The following GON4L variants were observed in gnomAD, a reference collection of about 807,000 sequenced individuals.
GON4L encodes GON-4-like protein.
GON4L carries 87 observed loss-of-function variants against 211.8 expected under a neutral mutation model. The observed-to-expected ratio is 0.41, with a 90% CI of 0.35 to 0.49. The LOEUF (loss-of-function observed/expected upper bound fraction) is 0.49, where lower values mean the gene tolerates loss of function less well. Among genes scored for constraint, GON4L ranks in the 20% least tolerant of loss-of-function variants. The probability of loss-of-function intolerance (pLI) is 0.15; values close to 1 mark genes in which losing one functional copy is unlikely to be tolerated. For missense variants in GON4L, 2,155 were observed against 2,659.5 expected (o/e 0.81, Z 4.17); for synonymous variants, 875 against 962.6 (o/e 0.91, Z 1.68).
chr1:155,753,162 C>T (rs780167027), intron 29 of GON4L, 42 bp downstream of exon 29: 6 of 1,452,906 alleles, frequency 4.1e-6, no homozygotes, highest in Admixed American at 3.4e-5. Flanking sequence ...TACAGGATAA[C>T]GAGACTGAGG....
intron 10 of GON4L, among the ~76,000 whole-genome samples, chr1:155,812,858 G>A (rs534565251): frequency 6.6e-6 from 1 of 152,186 alleles, no homozygotes; most frequent in East Asian, 1.9e-4. Context: ...CGCACAGCCT[G>A]TATCCTGATT....
At chr1:155,816,339 T>C (rs1352216993) in intron 6 of GON4L, 77 bp from the exon 7 acceptor site, 1 of 739,214 alleles carries the variant, frequency 1.4e-6, no homozygotes, top group African/African-American at 1.7e-5. Flanking sequence ...CTCTGTACCA[T>C]CACTAACAGC....
chr1:155,833,891 G>A (rs1051061060), intron 2 of GON4L, among the ~76,000 whole-genome samples: 5 of 151,796 alleles, frequency 3.3e-5, no homozygotes, highest in African/African-American at 7.3e-5. Context: ...GCAGTGGTGC[G>A]ATCAGAGCTC....
At chr1:155,829,311 T>C (rs1669524691) in intron 2 of GON4L, among the ~76,000 whole-genome samples, 1 of 152,114 alleles carries the variant, frequency 6.6e-6, no homozygotes, top group African/African-American at 2.4e-5. Flanking sequence ...CAGCTAATTT[T>C]GATGTTATGA....
downstream of GON4L, chr1:155,749,379 G>T (rs1246788791): frequency 6.1e-5 from 98 of 1,609,266 alleles, no homozygotes; most frequent in Non-Finnish European, 8.3e-5. Context: ...ATGTACCACT[G>T]GGGAAGAAAT....
At chr1:155,748,260 C>A, downstream of GON4L, 3 of 1,215,746 alleles carry the variant, frequency 2.5e-6, no homozygotes, top group Non-Finnish European at 3.4e-6. Flanking sequence ...CCTCTCAGAT[C>A]ACACTGTCCT....
chr1:155,778,235 C>T (rs1664031052), intron 14 of GON4L, among the ~76,000 whole-genome samples: 1 of 152,014 alleles, frequency 6.6e-6, no homozygotes, highest in African/African-American at 2.4e-5. Context: ...GGCTGCACTG[C>T]CTTGCATTTT....
At chr1:155,753,122 A>G in intron 29 of GON4L, 82 bp downstream of exon 29, 1 of 1,058,704 alleles carries the variant, frequency 9.4e-7, no homozygotes, top group Non-Finnish European at 1.4e-6. Context: ...AAGGCTATTT[A>G]TCCAGGCTCA....
chr1:155,756,802 G>T, intron 27 of GON4L, 156 bp downstream of exon 27: 1 of 611,012 alleles, frequency 1.6e-6, no homozygotes, highest in Non-Finnish European at 2.9e-6. Flanking sequence ...GCTGGCGCCT[G>T]TCTGTAATTC....
chr1:155,749,061 C>G (rs1660362889), downstream of GON4L, among the ~76,000 whole-genome samples: 1 of 152,062 alleles, frequency 6.6e-6, no homozygotes, highest in Non-Finnish European at 1.5e-5. Context: ...CGAGACCAGC[C>G]TGACCAACAT....
At chr1:155,754,736 G>A (rs1660994929) in intron 27 of GON4L, among the ~76,000 whole-genome samples, 1 of 151,358 alleles carries the variant, frequency 6.6e-6, no homozygotes, top group Admixed American at 6.6e-5. Context: ...CACCATGTTG[G>A]TCAGGCTGGT....
At chr1:155,749,465 A>T (rs1371132220), downstream of GON4L, 1 of 1,521,788 alleles carries the variant, frequency 6.6e-7, no homozygotes, top group East Asian at 2.3e-5. Flanking sequence ...CCTTCTTGCC[A>T]ACCGCAACCC....
intron 2 of GON4L, among the ~76,000 whole-genome samples, chr1:155,838,459 T>C (rs969993774): frequency 6.6e-6 from 1 of 152,052 alleles, no homozygotes; most frequent in African/African-American, 2.4e-5. Context: ...GGAAATAACT[T>C]TGAATAATGA....
At chr1:155,801,917 T>A (rs1666707550) in intron 11 of GON4L, among the ~76,000 whole-genome samples, 1 of 151,742 alleles carries the variant, frequency 6.6e-6, no homozygotes, top group African/African-American at 2.4e-5. Flanking sequence ...CTCACTGTGT[T>A]TCCCAGGCTG....
Position 155,799,642 on chromosome 1 carries a change from T to C in GON4L, c.1646-4491A>G, listed in dbSNP as rs540277155. Among the ~76,000 whole-genome samples, 22 of 152,302 alleles carry C rather than the reference T, an allele frequency of 1.4e-4. No homozygotes were observed. In the South Asian group the frequency reaches 4.6e-3, roughly 32 times the overall value. ...ATTCAGTAGGTAAGGGGTGAAGCCC[T>C]GAAATCTGTATCTTTAATAAACATC... On this transcript the variant is annotated intron_variant, in intron 11 of 31. Coordinates refer to ENST00000368331, the MANE Select transcript of GON4L (RefSeq NM_001282860.2).
intron 10 of GON4L, among the ~76,000 whole-genome samples, chr1:155,808,631 T>C (rs888088133): frequency 1.3e-5 from 2 of 152,036 alleles, no homozygotes; most frequent in African/African-American, 4.8e-5. Context: ...CTTTTTTCTT[T>C]TTGTTTTTTG....
At chr1:155,748,886 C>T (rs575791452), downstream of GON4L, 1,741 of 1,158,364 alleles carry the variant, frequency 1.5e-3, 7 homozygotes, top group Non-Finnish European at 1.9e-3. Flanking sequence ...GTTCCCTCCC[C>T]ACCCCTTAAA....
At chr1:155,820,565 A>T in intron 6 of GON4L, 41 bp downstream of exon 6, 1 of 1,402,838 alleles carries the variant, frequency 7.1e-7, no homozygotes, top group Non-Finnish European at 1.0e-6. Flanking sequence ...CCTATTCACC[A>T]AGCTAAAAAA....
Position 155,752,124 on chromosome 1 carries a change from G to A in GON4L, c.6309C>T (p.Thr2103=), listed in dbSNP as rs1411181034. 6 of 1,613,268 alleles carry A rather than the reference G, an allele frequency of 3.7e-6. No homozygotes were observed. Among genetic ancestry groups the A allele is most frequent in the Non-Finnish European group, 5.1e-6 (6 of 1,179,434 alleles). The change falls in exon 30 of 32, where the codon ACC becomes ACT. Residue 2103 remains threonine, a synonymous_variant. Transcript: ENST00000368331. ...TAGGGGCTTTGGGAGAAGTCTCTGA[G>A]GTGTCAATTCCTGATGGAGATTCAT... The part of the protein sequence containing the change: ...PVHESPSGID[T]SETSPKAPRG...
Sources: allele counts gnomAD v4.1 joint callset (sites outside exome capture counted in the v4.1 genomes callset), GRCh38; gene constraint gnomAD v4.1.1; transcripts MANE v1.5; gene names NCBI Gene and HGNC (gene_info 2026-07-23, HGNC 2026-07-21).